The following GABBR2 variants were observed in gnomAD, a reference collection of about 807,000 sequenced individuals.
The protein encoded by GABBR2 is G-protein coupled receptor 51.
In GABBR2, 23 loss-of-function variants were observed where a neutral mutation model predicts 105.6. The observed-to-expected ratio is 0.22, with a 90% CI of 0.16 to 0.31. The LOEUF (loss-of-function observed/expected upper bound fraction) is 0.31, where lower values mean the gene tolerates loss of function less well. GABBR2 is among the 10% of genes least tolerant of loss of function. The pLI, the probability that GABBR2 is intolerant of heterozygous loss-of-function variation, is 1.00. For synonymous variants in GABBR2, 478 were observed against 499.7 expected, an observed-to-expected ratio of 0.96 and a Z score of 0.58; for missense variants, 734 against 1,245.5, an observed-to-expected ratio of 0.59 and a Z score of 6.18.
chr9:98,374,624 A>G (rs1484752480), intron 11 of GABBR2, among the ~76,000 whole-genome samples: 1 of 152,190 alleles, frequency 6.6e-6, no homozygotes, highest in African/African-American at 2.4e-5. Context: ...CCATCCTCCG[A>G]CTAAAAACCC....
chr9:98,414,555 T>C (rs1832652543), intron 7 of GABBR2, among the ~76,000 whole-genome samples: 1 of 152,222 alleles, frequency 6.6e-6, no homozygotes, highest in Non-Finnish European at 1.5e-5. Context: ...GGTGACTTGA[T>C]CTAAGTCCTA....
chr9:98,362,958 C>G, intron 12 of GABBR2, 121 bp from the exon 13 acceptor site: 1 of 757,390 alleles, frequency 1.3e-6, no homozygotes, highest in Non-Finnish European at 2.0e-6. Context: ...GAGTCTCCTG[C>G]GATTCCCCAT....
At chr9:98,577,901 A>C (rs1828943113) in intron 2 of GABBR2, 34 bp downstream of exon 2, 1 of 1,575,700 alleles carries the variant, frequency 6.3e-7, no homozygotes, top group Non-Finnish European at 8.6e-7. Context: ...AACCAAAGAC[A>C]CCTCCCCACA....
In GABBR2 at chr9:98,401,117, T is replaced by C. The variant is rs535416146; in HGVS notation, c.1297+4964A>G. Among the ~76,000 whole-genome samples the C allele has an allele frequency of 1.8e-4, 28 of 152,200 alleles. 1 individual carries two copies. The South Asian group carries it at 5.0e-3, about 27-fold the overall frequency. On this transcript the variant is annotated intron_variant, in intron 8 of 18. Transcript: ENST00000259455. ...TTGTTATGACCCTTCTCTGTGCCAG[T>C]CCCCGAGACAGGAACATCACAGCCT...
chr9:98,369,678 CT>C, intron 12 of GABBR2, among the ~76,000 whole-genome samples: 1 of 152,140 alleles, frequency 6.6e-6, no homozygotes. Context: ...AAAATGCAGG[CT>C]TGGATGAAAA....
chr9:98,629,254 A>T (rs1397733750), intron 1 of GABBR2, among the ~76,000 whole-genome samples: 1 of 152,188 alleles, frequency 6.6e-6, no homozygotes, highest in Non-Finnish European at 1.5e-5. Context: ...AAAAATAGAG[A>T]TTATCCAGGT....
At chr9:98,349,012 G>A (rs1831346413) in intron 13 of GABBR2, among the ~76,000 whole-genome samples, 2 of 152,116 alleles carry the variant, frequency 1.3e-5, no homozygotes, top group African/African-American at 4.8e-5. Context: ...TCAGTTCTTA[G>A]AAGAAAGGCT....
intron 7 of GABBR2, among the ~76,000 whole-genome samples, chr9:98,422,842 A>G (rs979172469): frequency 4.3e-5 from 6 of 139,880 alleles, no homozygotes; most frequent in Non-Finnish European, 9.0e-5. Context: ...ATTCCCATCT[A>G]TGAGTGAGAA....
chr9:98,323,429 C>T (rs1426606029), intron 13 of GABBR2, among the ~76,000 whole-genome samples: 2 of 152,258 alleles, frequency 1.3e-5, no homozygotes, highest in African/African-American at 4.8e-5. Flanking sequence ...CAGCCCTCTT[C>T]CCCATAGTTC....
intron 12 of GABBR2, among the ~76,000 whole-genome samples, chr9:98,364,315 G>T (rs2131448474): frequency 6.6e-6 from 1 of 152,306 alleles, no homozygotes; most frequent in South Asian, 2.1e-4. Context: ...GGGTTGGAAG[G>T]AGCCTCATAT....
chr9:98,482,543 C>CCATGCATCCATCCATCCTTTCAT (rs1826947510), intron 4 of GABBR2, among the ~76,000 whole-genome samples: 1 of 152,108 alleles, frequency 6.6e-6, no homozygotes, highest in Non-Finnish European at 1.5e-5. Flanking sequence ...CTGACAGTAC[C>CCATGCATCCATCCATCCTTTCAT]CATGCATCCA....
chr9:98,458,983 T>G (rs1826375401), intron 6 of GABBR2, among the ~76,000 whole-genome samples: 1 of 152,216 alleles, frequency 6.6e-6, no homozygotes, highest in African/African-American at 2.4e-5. Flanking sequence ...AACTTTCCAC[T>G]TAGGGAATGG....
intron 3 of GABBR2, among the ~76,000 whole-genome samples, chr9:98,532,937 A>G (rs1828096157): frequency 6.6e-6 from 1 of 152,228 alleles, no homozygotes; most frequent in Non-Finnish European, 1.5e-5. Flanking sequence ...TACATCATCT[A>G]TAAGCAAGCA....
chr9:98,635,466 G>A (rs1039849249), intron 1 of GABBR2, among the ~76,000 whole-genome samples: 6 of 152,140 alleles, frequency 3.9e-5, no homozygotes, highest in East Asian at 3.9e-4. Flanking sequence ...AGTTACTCCC[G>A]CAACAACCAT....
At chr9:98,510,635 AAC>A (rs1486040907) in intron 3 of GABBR2, among the ~76,000 whole-genome samples, 2 of 151,090 alleles carry the variant, frequency 1.3e-5, no homozygotes, top group African/African-American at 4.8e-5. Flanking sequence ...TCTCTGATAA[AAC>A]AGACTGTAAA....
Position 98,325,868 on chromosome 9 carries a change from A to C in GABBR2, c.1894-14663T>G, listed in dbSNP as rs139279710. ...ATGATGTTCTCACACATATACATGC[A>C]CAAGCACAAACACACACCTCTTTGG... On this transcript the variant is annotated intron_variant, in intron 13 of 18. Coordinates refer to ENST00000259455, the MANE Select transcript of GABBR2 (RefSeq NM_005458.8). Among the ~76,000 whole-genome samples, 183 of 152,324 alleles carry C rather than the reference A, an allele frequency of 1.2e-3. 3 individuals carry two copies. The East Asian group carries it at 0.022, about 18-fold the overall frequency.
intron 8 of GABBR2, among the ~76,000 whole-genome samples, chr9:98,397,038 T>A (rs767266799): frequency 4.6e-5 from 7 of 152,176 alleles, no homozygotes; most frequent in Non-Finnish European, 8.8e-5. Flanking sequence ...AAGTACCCAC[T>A]CAGAGCCAAG....
intron 15 of GABBR2, among the ~76,000 whole-genome samples, chr9:98,304,649 C>T (rs753744780): frequency 2.6e-5 from 4 of 152,302 alleles, no homozygotes; most frequent in African/African-American, 2.4e-5. Context: ...GATGGAGGCA[C>T]CATGGGTAGC....
chr9:98,406,659 G>T (rs1329337681), intron 7 of GABBR2, among the ~76,000 whole-genome samples: 2 of 152,310 alleles, frequency 1.3e-5, no homozygotes, highest in Middle Eastern at 3.4e-3. Context: ...GAATGGTGAC[G>T]TCAGTCCCAA....
Sources: gnomAD v4.1 joint callset for allele counts (sites outside exome capture counted in the v4.1 genomes callset) on GRCh38, gnomAD v4.1.1 for gene constraint, MANE v1.5 for transcripts, NCBI Gene and HGNC (gene_info 2026-07-23, HGNC 2026-07-21) for gene names.